LINGO2: variants seen among roughly 807,000 people sequenced by gnomAD.
LINGO2 encodes leucine-rich repeat and immunoglobulin-like domain-containing nogo receptor-interacting protein 2.
A neutral mutation model predicts 30.6 loss-of-function variants in LINGO2; 14 were observed. The ratio of observed to expected loss-of-function variants is 0.46; its 90% CI spans 0.30 to 0.72. LINGO2 has a LOEUF of 0.72. LINGO2 is among the 30% of genes least tolerant of loss of function. LINGO2 has a pLI of 0.07. For missense variants in LINGO2, 729 were observed against 751.7 expected (o/e 0.97, Z 0.35); for synonymous variants, 317 against 288.5 (o/e 1.10, Z -1.00).
At chr9:27,998,984 C>T (rs1443599949) in intron 5 of LINGO2, among the ~76,000 whole-genome samples, 2 of 151,930 alleles carry the variant, frequency 1.3e-5, no homozygotes, top group African/African-American at 2.4e-5. Context: ...AGGGTCAGAC[C>T]CAGAGTTGTC....
intron 5 of LINGO2, among the ~76,000 whole-genome samples, chr9:27,996,627 A>T (rs1958934): frequency 0.037 from 5,659 of 152,136 alleles, 329 homozygotes; most frequent in African/African-American, 0.13. Context: ...GAGGAGATTT[A>T]AAAAAAGGGG....
At chr9:28,562,718 C>A (rs181354190) in intron 1 of LINGO2, among the ~76,000 whole-genome samples, 83 of 152,104 alleles carry the variant, frequency 5.5e-4, no homozygotes, top group African/African-American at 2.0e-3. Context: ...ATTTTTCTGA[C>A]AGATTTTATA....
intron 3 of LINGO2, among the ~76,000 whole-genome samples, chr9:28,330,039 G>A (rs1166956544): frequency 6.6e-6 from 1 of 152,110 alleles, no homozygotes; most frequent in East Asian, 1.9e-4. Context: ...GTTTGGAGAT[G>A]AGGTCTTTAA....
chr9:28,772,929 A>G, the LINGO2 span, among the ~76,000 whole-genome samples: 1 of 152,238 alleles, frequency 6.6e-6, no homozygotes, highest in Non-Finnish European at 1.5e-5. Flanking sequence ...AAATGGAGCT[A>G]GAATTCAAAC....
At chr9:29,123,338 G>A in the LINGO2 span, among the ~76,000 whole-genome samples, 1 of 151,828 alleles carries the variant, frequency 6.6e-6, no homozygotes, top group African/African-American at 2.4e-5. Flanking sequence ...AATAAACATA[G>A]GAACATGTAT....
At chr9:28,606,296 A>G (rs938397526) in intron 1 of LINGO2, among the ~76,000 whole-genome samples, 2 of 152,010 alleles carry the variant, frequency 1.3e-5, no homozygotes, top group African/African-American at 4.8e-5. Context: ...TAATGTCAGA[A>G]AAGTCACTGT....
At chr9:28,667,258 T>A (rs920096169) in intron 1 of LINGO2, among the ~76,000 whole-genome samples, 1 of 152,184 alleles carries the variant, frequency 6.6e-6, no homozygotes, top group African/African-American at 2.4e-5. Context: ...CCATGTAATA[T>A]TATTTTTAAA....
the LINGO2 span, among the ~76,000 whole-genome samples, chr9:29,121,143 GTTTGAA>G: frequency 2.6e-5 from 4 of 152,162 alleles, no homozygotes; most frequent in African/African-American, 7.2e-5. Context: ...ATATAAAGAT[GTTTGAA>G]GCAGTTGGGA....
At chr9:28,776,265 A>C in the LINGO2 span, among the ~76,000 whole-genome samples, 1 of 148,142 alleles carries the variant, frequency 6.8e-6, no homozygotes, top group East Asian at 2.3e-4. Flanking sequence ...GGAGGCTATC[A>C]CAATTTTTTT....
intron 1 of LINGO2, among the ~76,000 whole-genome samples, chr9:28,587,039 C>T (rs1173957506): frequency 6.6e-6 from 1 of 151,926 alleles, no homozygotes; most frequent in East Asian, 1.9e-4. Flanking sequence ...CGTAAGGCTT[C>T]ATACAGCTAG....
chr9:29,135,995 C>G, the LINGO2 span, among the ~76,000 whole-genome samples: 17 of 152,080 alleles, frequency 1.1e-4, no homozygotes, highest in Non-Finnish European at 2.2e-4. Context: ...TTTAAAAGTC[C>G]CTAGGATGAC....
chr9:28,725,428 A>G, the LINGO2 span, among the ~76,000 whole-genome samples: 3 of 152,014 alleles, frequency 2.0e-5, no homozygotes, highest in African/African-American at 4.8e-5. Flanking sequence ...ATTCAACACA[A>G]TATAAAGGCA....
At chr9:28,817,755 G>A in the LINGO2 span, among the ~76,000 whole-genome samples, 1 of 152,162 alleles carries the variant, frequency 6.6e-6, no homozygotes, top group Non-Finnish European at 1.5e-5. Context: ...AGTTCTCCAA[G>A]AGGAGGGCAA....
At chr9:28,529,250 T>A (rs767933063) in intron 1 of LINGO2, among the ~76,000 whole-genome samples, 8 of 152,154 alleles carry the variant, frequency 5.3e-5, no homozygotes. Context: ...TGTATTAACA[T>A]TTATTTATCT....
intron 2 of LINGO2, among the ~76,000 whole-genome samples, chr9:28,399,023 G>A (rs902316694): frequency 1.3e-5 from 2 of 152,072 alleles, no homozygotes; most frequent in Non-Finnish European, 2.9e-5. Context: ...TTATTCAAAG[G>A]CATTTGCCCA....
chr9:29,196,033 TAAGA>T, the LINGO2 span, among the ~76,000 whole-genome samples: 1 of 152,138 alleles, frequency 6.6e-6, no homozygotes, highest in African/African-American at 2.4e-5. Flanking sequence ...AATATTCAGC[TAAGA>T]AAGACTGAAG....
chr9:28,778,256 C>T, the LINGO2 span, among the ~76,000 whole-genome samples: 1 of 152,052 alleles, frequency 6.6e-6, no homozygotes, highest in Non-Finnish European at 1.5e-5. Context: ...CCTCTTGCCA[C>T]TCTAAGTTAA....
intron 5 of LINGO2, among the ~76,000 whole-genome samples, chr9:27,999,436 CAGAGAG>C (rs36216761): frequency 0.12 from 17,237 of 143,680 alleles, 1,080 homozygotes; most frequent in Non-Finnish European, 0.16. Context: ...GCCTAATCTT[CAGAGAG>C]AGAGAGAGAG....
chr9:28,451,835 G>T (rs1413773466), intron 2 of LINGO2, among the ~76,000 whole-genome samples: 1 of 151,514 alleles, frequency 6.6e-6, no homozygotes, highest in African/African-American at 2.4e-5. Flanking sequence ...TAATTGTACT[G>T]TCTTTTATAA....
Sources: allele counts gnomAD v4.1 joint callset (sites outside exome capture counted in the v4.1 genomes callset), GRCh38; gene constraint gnomAD v4.1.1; transcripts MANE v1.5; gene names NCBI Gene and HGNC (gene_info 2026-07-23, HGNC 2026-07-21).